HYDIN: variants seen among roughly 807,000 people sequenced by gnomAD.
HYDIN encodes the protein axonemal central pair apparatus protein HYDIN.
In HYDIN, 132 loss-of-function variants were observed where a neutral mutation model predicts 403.9. The ratio of observed to expected loss-of-function variants is 0.33; its 90% CI spans 0.28 to 0.38. HYDIN has a LOEUF of 0.38. HYDIN is among the 10% of genes least tolerant of loss of function. The pLI, the probability that HYDIN is intolerant of heterozygous loss-of-function variation, is 1.00. For missense variants in HYDIN, 2,827 were observed against 5,009.5 expected, an observed-to-expected ratio of 0.56 and a Z score of 13.15; for synonymous variants, 1,202 against 1,891.7, an observed-to-expected ratio of 0.64 and a Z score of 9.46.
At chr16:71,169,302 G>A (rs939495523) in intron 5 of HYDIN, among the ~76,000 whole-genome samples, 9 of 152,022 alleles carry the variant, frequency 5.9e-5, no homozygotes, top group East Asian at 1.9e-4. Context: ...GCATGGTGGC[G>A]GGTGCCTATA....
At chr16:71,208,201 C>T (rs532687020) in intron 1 of HYDIN, among the ~76,000 whole-genome samples, 25 of 152,194 alleles carry the variant, frequency 1.6e-4, no homozygotes, top group African/African-American at 5.8e-4. Context: ...CACAAAAAAA[C>T]GAAATCATAC....
chr16:70,831,268 G>A (rs1486783806), intron 80 of HYDIN, among the ~76,000 whole-genome samples: 2 of 152,004 alleles, frequency 1.3e-5, no homozygotes, highest in African/African-American at 4.8e-5. Flanking sequence ...CCAGCACTTT[G>A]GGAGGCCAAG....
intron 23 of HYDIN, among the ~76,000 whole-genome samples, chr16:71,017,240 C>T (rs2080292178): frequency 2.0e-5 from 3 of 150,232 alleles, no homozygotes; most frequent in African/African-American, 7.4e-5. Context: ...ATCCCAGCTA[C>T]TTGGGAGGCT....
At chr16:71,154,759 G>A (rs2085689728) in intron 6 of HYDIN, among the ~76,000 whole-genome samples, 1 of 150,556 alleles carries the variant, frequency 6.6e-6, no homozygotes, top group Non-Finnish European at 1.5e-5. Flanking sequence ...AGGCACTCTG[G>A]GGCAGTGGTT....
chr16:71,176,759 A>T (rs1303992806), intron 4 of HYDIN, among the ~76,000 whole-genome samples: 1 of 152,168 alleles, frequency 6.6e-6, no homozygotes, highest in Non-Finnish European at 1.5e-5. Flanking sequence ...CTGACTCTGG[A>T]GTGTGGGTCC....
Position 70,804,624 on chromosome 16 carries a change from A to C in HYDIN, c.*2956T>G, listed in dbSNP as rs762489033. Among the ~76,000 whole-genome samples the C allele has an allele frequency of 5.1e-5, 6 of 116,874 alleles. No homozygotes were observed. Among genetic ancestry groups the C allele is most frequent in the Non-Finnish European group, 1.1e-4 (6 of 55,188 alleles). 76.7% of individuals were successfully genotyped at this position (116,874 alleles called of 152,430 possible). Reference sequence around the variant, plus strand: ...GACCAAGAATAAATATCTCAAACGGAAAACTTAACGTTTCCTAATGTTCAA... The same window carrying C: ...GACCAAGAATAAATATCTCAAACGGCAAACTTAACGTTTCCTAATGTTCAA... On this transcript the variant is annotated 3_prime_UTR_variant, in exon 86 of 86. Coordinates refer to ENST00000393567, the MANE Select transcript of HYDIN (RefSeq NM_001270974.2).
chr16:70,978,879 G>A (rs2078964339), intron 30 of HYDIN, 35 bp downstream of exon 30: 9 of 1,570,618 alleles, frequency 5.7e-6, no homozygotes, highest in Non-Finnish European at 7.8e-6. Flanking sequence ...CCACCCTCCT[G>A]CACAGGCGTC....
chr16:70,808,028 A>G lies in HYDIN; in HGVS notation c.14918T>C (p.Ile4973Thr), dbSNP rs767271459. The change falls in exon 86 of 86, where the codon ATT (isoleucine) becomes ACT (threonine). Residue 4973 changes from isoleucine (I) to threonine (T), a missense_variant. By Grantham distance (89) the Ile-to-Thr change is moderately conservative. Transcript: ENST00000393567. ...DCTDFHAEKL[I>T]NAAPGGQGGT... The stretch of plus-strand genomic sequence containing the variant: ...TCCCTGGCCTCCTGGGGCTGCATTA[A>G]TGAGTTTTTCTGCGTGGAAGTCTGT... 1 of 1,613,402 alleles carries G rather than the reference A, an allele frequency of 6.2e-7. No homozygotes were observed. The highest frequency in any genetic ancestry group is 8.5e-7 in the Non-Finnish European group (1 of 1,179,596).
intron 10 of HYDIN, among the ~76,000 whole-genome samples, chr16:71,107,564 T>C (rs185086603): frequency 1.7e-3 from 251 of 152,082 alleles, no homozygotes; most frequent in African/African-American, 5.8e-3. Context: ...TACAAGCATA[T>C]GAAAAAAAGC....
chr16:71,066,804 C>G, intron 15 of HYDIN: 1 of 455,432 alleles, frequency 2.2e-6, no homozygotes, highest in Non-Finnish European at 4.4e-6. Flanking sequence ...TGAGCCTCAT[C>G]TTGGGGGCCC....
intron 22 of HYDIN, 32 bp downstream of exon 22, chr16:71,020,142 C>G: frequency 6.2e-7 from 1 of 1,609,926 alleles, no homozygotes. Flanking sequence ...CCACCCCAGA[C>G]AGCTTGCCAG....
rs1446973861 is a variant in HYDIN at position 70,803,099 on chromosome 16, A to T, written c.*4481T>A. Among the ~76,000 whole-genome samples, 1 of 152,202 alleles carries T rather than the reference A, an allele frequency of 6.6e-6. No individual in the cohort carries two copies. Among genetic ancestry groups the T allele is most frequent in the African/African-American group, 2.4e-5 (1 of 41,452 alleles). On this transcript the variant is annotated 3_prime_UTR_variant, in exon 86 of 86. Transcript: ENST00000393567. Reference sequence around the variant, plus strand: ...TTGCTTTTTGGTTTGGCTTTTTCTTAGAGGTGAACTGAATTTCCCAAGGGT... The same window carrying T: ...TTGCTTTTTGGTTTGGCTTTTTCTTTGAGGTGAACTGAATTTCCCAAGGGT...
At chr16:71,225,449 G>T (rs1235689591) in intron 1 of HYDIN, among the ~76,000 whole-genome samples, 5 of 152,244 alleles carry the variant, frequency 3.3e-5, no homozygotes, top group African/African-American at 1.2e-4. Context: ...GAGGACTGCT[G>T]CAGCACTCTG....
At chr16:71,158,133 G>A (rs186074715) in intron 6 of HYDIN, among the ~76,000 whole-genome samples, 3 of 152,338 alleles carry the variant, frequency 2.0e-5, no homozygotes, top group African/African-American at 7.2e-5. Context: ...AGCAGCGCAG[G>A]GGAATGGTGA....
In HYDIN at chr16:70,866,260, T is replaced by C. The variant is rs2039745093; in HGVS notation, c.11380A>G (p.Ile3794Val). 1 of 1,337,718 alleles carries C rather than the reference T, an allele frequency of 7.5e-7. No individual in the cohort carries two copies. The highest frequency in any genetic ancestry group is 1.8e-4 in the Middle Eastern group (1 of 5,530). 82.9% of individuals were successfully genotyped at this position (1,337,718 alleles called of 1,614,324 possible). The change falls in exon 67 of 86, where the codon ATC (isoleucine) becomes GTC (valine). Residue 3794 changes from isoleucine to valine, a missense_variant. By Grantham distance (29) the Ile-to-Val change is conservative. Transcript: ENST00000393567. ...EENYQELQLQ[I>V]SANVDFASYH... ...GAAGCGAAATCCACATTGGCACTGA[T>C]TTGAAGCTGCAGTTCTTGGTAGTTT...
intron 45 of HYDIN, among the ~76,000 whole-genome samples, chr16:70,926,939 T>C (rs963256314): frequency 2.0e-5 from 3 of 151,950 alleles, no homozygotes; most frequent in African/African-American, 7.3e-5. Flanking sequence ...ATATTCAGTA[T>C]AAAGAGAGGA....
intron 1 of HYDIN, among the ~76,000 whole-genome samples, chr16:71,187,745 A>G (rs1008304464): frequency 3.3e-5 from 5 of 152,176 alleles, no homozygotes; most frequent in Non-Finnish European, 7.4e-5. Flanking sequence ...AGGAAAGTAG[A>G]TTTGAAGGAA....
rs1375176643 is a variant in HYDIN at position 70,830,763 on chromosome 16, A to T, written c.13900-933T>A. ...ATGACACCCAATGAGCAGAATGGAG[A>T]TGCCCTTTACTGATGTGGGATTGAC... On this transcript the variant is annotated intron_variant, in intron 80 of 85. Transcript: ENST00000393567. Among the ~76,000 whole-genome samples the T allele has an allele frequency of 2.6e-5, 4 of 152,170 alleles. No individual in the cohort carries two copies. In the East Asian group the frequency reaches 7.7e-4, roughly 29 times the overall value.
Position 70,862,205 on chromosome 16 carries a change from T to C in HYDIN, c.11620A>G (p.Thr3874Ala), listed in dbSNP as rs1424033087. The C allele has an allele frequency of 1.2e-6, 2 of 1,613,614 alleles. No individual in the cohort carries two copies. The highest frequency in any genetic ancestry group is 2.7e-5 in the African/African-American group (2 of 74,878). The change falls in exon 69 of 86, where the codon ACC (threonine) becomes GCC (alanine). Residue 3874 changes from threonine (T) to alanine (A), a missense_variant. Coordinates refer to ENST00000393567, the MANE Select transcript of HYDIN (RefSeq NM_001270974.2). Reference sequence around the variant, plus strand: ...CAGTGGTCCATGGTGCTGTCCAGGGTGCTGCCTGTATGCATCGTGCCCTGA... The same window carrying C: ...CAGTGGTCCATGGTGCTGTCCAGGGCGCTGCCTGTATGCATCGTGCCCTGA... ...LSQGTMHTGS[T>A]LDSTMDHWAE...
Sources: allele counts gnomAD v4.1 joint callset (sites outside exome capture counted in the v4.1 genomes callset), GRCh38; gene constraint gnomAD v4.1.1; transcripts MANE v1.5; gene names NCBI Gene and HGNC (gene_info 2026-07-23, HGNC 2026-07-21).